Variants in MACROD1 observed in about 807,000 individuals in gnomAD.
The protein encoded by MACROD1 is ADP-ribose glycohydrolase MACROD1.
A neutral mutation model predicts 41.4 loss-of-function variants in MACROD1; 31 were observed. The ratio of observed to expected loss-of-function variants is 0.75; its 90% confidence interval spans 0.56 to 1.01. The LOEUF is 1.01. Among genes scored for constraint, MACROD1 ranks in the 50% least tolerant of loss-of-function variants. MACROD1 has a pLI of 0.00. For synonymous variants in MACROD1, 252 were observed against 203.4 expected, an observed-to-expected ratio of 1.24 and a Z score of -2.03; for missense variants, 473 against 460.0, an observed-to-expected ratio of 1.03 and a Z score of -0.26.
rs1156470852 is a variant in MACROD1, at chr11:64,037,719, G to C, written c.518-22438C>G. Among the ~76,000 whole-genome samples the C allele has an allele frequency of 2.0e-5, 3 of 152,126 alleles. No homozygotes were observed. In the East Asian group the frequency reaches 5.8e-4, roughly 29 times the overall value. On this transcript the variant is annotated intron_variant, in intron 3 of 10. Coordinates refer to ENST00000255681, the MANE Select transcript of MACROD1 (RefSeq NM_014067.4). Reference sequence around the variant, plus strand: ...GAGACTGGATACTCTTCAGTAAAAAGCACCCTGACCCCAGCATGGAGGCTC... The same window carrying C: ...GAGACTGGATACTCTTCAGTAAAAACCACCCTGACCCCAGCATGGAGGCTC...
chr11:64,038,621 A>C (rs951872032), intron 3 of MACROD1, among the ~76,000 whole-genome samples: 2 of 152,160 alleles, frequency 1.3e-5, no homozygotes, highest in African/African-American at 4.8e-5. Flanking sequence ...TGGGGCTAGC[A>C]GCCCCCTCCC....
intron 3 of MACROD1, among the ~76,000 whole-genome samples, chr11:64,030,752 C>T (rs540078399): frequency 7.2e-5 from 11 of 151,990 alleles, no homozygotes; most frequent in Non-Finnish European, 1.0e-4. Flanking sequence ...GTGACCTAAT[C>T]GGGAAGGTGG....
intron 3 of MACROD1, among the ~76,000 whole-genome samples, chr11:64,075,681 C>CT (rs1283009661): frequency 2.0e-5 from 3 of 152,132 alleles, no homozygotes; most frequent in Non-Finnish European, 2.9e-5. Flanking sequence ...GCTGCTGCTT[C>CT]TTTTTTTTGA....
At position 64,016,562 on chromosome 11, in the gene MACROD1, C is replaced by T. The variant is rs528540019; in HGVS notation, c.518-1281G>A. 7.2e-5 allele frequency among the ~76,000 whole-genome samples: 11 copies of T among 152,358 alleles called. No individual in the cohort carries two copies. In the East Asian group the frequency reaches 9.6e-4, roughly 13 times the overall value. ...CTGCAGGCCCAAGATGCCGTGAGGA[C>T]GGCATGGACGCTGCTAAGTGGTGTC... On this transcript the variant is annotated intron_variant, in intron 3 of 10. Coordinates refer to ENST00000255681, the MANE Select transcript of MACROD1 (RefSeq NM_014067.4).
At chr11:64,113,068 T>C (rs368277850) in intron 3 of MACROD1, among the ~76,000 whole-genome samples, 118 of 152,358 alleles carry the variant, frequency 7.7e-4, no homozygotes, top group African/African-American at 2.2e-3. Flanking sequence ...AGCCTCAAGA[T>C]TGCCAAGATT....
At chr11:64,130,470 G>C (rs997570308) in intron 3 of MACROD1, among the ~76,000 whole-genome samples, 4 of 152,076 alleles carry the variant, frequency 2.6e-5, no homozygotes, top group African/African-American at 9.7e-5. Context: ...TGGCCTCACC[G>C]AGCAACCTGA....
intron 3 of MACROD1, among the ~76,000 whole-genome samples, chr11:64,055,636 A>G (rs1474228907): frequency 2.0e-5 from 3 of 152,164 alleles, no homozygotes; most frequent in Admixed American, 6.5e-5. Context: ...TTTTGCTTCT[A>G]TTCCCCGGGG....
intron 3 of MACROD1, chr11:64,116,113 G>A (rs553982800): frequency 6.4e-5 from 78 of 1,212,942 alleles, no homozygotes; most frequent in Non-Finnish European, 8.4e-5. Context: ...ACCGGACTTC[G>A]GTCACCCCTT....
chr11:64,081,074 T>C (rs769196540), intron 3 of MACROD1, among the ~76,000 whole-genome samples: 1 of 152,178 alleles, frequency 6.6e-6, no homozygotes, highest in African/African-American at 2.4e-5. Context: ...TAGGCTGGAG[T>C]GCAGTGGCAT....
Position 64,151,364 on chromosome 11 carries a change from A to G in MACROD1, c.401-9T>C, listed in dbSNP as rs1463706942. On this transcript the variant is annotated splice_polypyrimidine_tract_variant and intron_variant, in intron 2 of 10. Coordinates refer to ENST00000255681, the MANE Select transcript of MACROD1 (RefSeq NM_014067.4). ...CACCTTCACAGCCACCCCTGGAACA[A>G]GTAGGGGCCGGGGAGGTCACAGCGA... The G allele has an allele frequency of 6.2e-7, 1 of 1,605,266 alleles. No individual in the cohort carries two copies. The highest frequency in any genetic ancestry group is 8.5e-7 in the Non-Finnish European group (1 of 1,173,152).
At chr11:64,013,277 G>A (rs561249137) in intron 4 of MACROD1, among the ~76,000 whole-genome samples, 309 of 152,226 alleles carry the variant, frequency 2.0e-3, no homozygotes, top group African/African-American at 7.1e-3. Flanking sequence ...GGTGGGGGCC[G>A]GGGGAGTGCC....
chr11:64,010,729 T>C (rs1942998317), intron 4 of MACROD1, among the ~76,000 whole-genome samples: 1 of 143,602 alleles, frequency 7.0e-6, no homozygotes, highest in Admixed American at 6.9e-5. Flanking sequence ...GGGTGTTGGT[T>C]GGCATGTTGG....
intron 3 of MACROD1, among the ~76,000 whole-genome samples, chr11:64,148,564 T>C (rs1162036152): frequency 6.6e-6 from 1 of 152,230 alleles, no homozygotes; most frequent in Non-Finnish European, 1.5e-5. Context: ...CTCCTCTGGC[T>C]TATTGTGGTG....
intron 3 of MACROD1, among the ~76,000 whole-genome samples, chr11:64,076,460 G>A (rs1944203240): frequency 6.6e-6 from 1 of 152,092 alleles, no homozygotes; most frequent in Non-Finnish European, 1.5e-5. Context: ...ACGGATGGAT[G>A]GACGGACGGA....
In MACROD1 at chr11:64,025,128, G is replaced by A. The variant is rs151126469; in HGVS notation, c.518-9847C>T. ...TGAGTAGCTGGGACTACAGGCACAC[G>A]ACACCACACCCATCTGATTTTTGTA... On this transcript the variant is annotated intron_variant, in intron 3 of 10. Coordinates refer to ENST00000255681, the MANE Select transcript of MACROD1 (RefSeq NM_014067.4). Among the ~76,000 whole-genome samples the A allele has an allele frequency of 3.2e-3, 488 of 152,124 alleles. 2 individuals carry two copies. Among genetic ancestry groups the A allele is most frequent in the African/African-American group, 0.011 (439 of 41,516 alleles).
chr11:64,157,364 G>A (rs961165882), intron 1 of MACROD1, among the ~76,000 whole-genome samples: 1 of 152,172 alleles, frequency 6.6e-6, no homozygotes, highest in African/African-American at 2.4e-5. Context: ...AAAGTGCTGG[G>A]ATTACAGGCG....
At position 64,067,515 on chromosome 11, in the gene MACROD1, TC is replaced by T. The variant is rs1944026996; in HGVS notation, c.518-52235del. The stretch of plus-strand genomic sequence containing the variant: ...GTCGGGGACGGGGACAGACGGCACC[TC>T]CCCAACTCCCCAGCCCCTCCCCCTG... On this transcript the variant is annotated intron_variant, in intron 3 of 10. Transcript: ENST00000255681. This position sits in a 1 kb window ranked among gnomAD's most constrained non-coding sequence, Gnocchi z 4.6. Among the ~76,000 whole-genome samples the T allele has an allele frequency of 6.6e-6, 1 of 151,540 alleles. No individual in the cohort carries two copies. Among genetic ancestry groups the T allele is most frequent in the Admixed American group, 6.6e-5 (1 of 15,230 alleles).
chr11:64,046,458 C>T (rs1407215442), intron 3 of MACROD1, among the ~76,000 whole-genome samples: 1 of 152,182 alleles, frequency 6.6e-6, no homozygotes, highest in African/African-American at 2.4e-5. Flanking sequence ...TGGGTCCTAC[C>T]CTTGCCCTGG....
At position 64,050,655 on chromosome 11, in the gene MACROD1, G is replaced by A. The variant is rs188681222; in HGVS notation, c.518-35374C>T. On this transcript the variant is annotated intron_variant, in intron 3 of 10. Transcript: ENST00000255681. ...CATGGCCCAGCTGACTTTCACTCTT[G>A]TCGCCCAGGCTGGAGTGCAGTGGCG... 2.9e-3 allele frequency among the ~76,000 whole-genome samples: 439 copies of A among 152,366 alleles called. 1 individual carries two copies. Among genetic ancestry groups the A allele is most frequent in the Non-Finnish European group, 5.3e-3 (360 of 68,030 alleles).
Sources: gnomAD v4.1 joint callset for allele counts (sites outside exome capture counted in the v4.1 genomes callset) on GRCh38, gnomAD v4.1.1 for gene constraint, Gnocchi (gnomAD v3.1) non-coding constraint, MANE v1.5 for transcripts, NCBI Gene and HGNC (gene_info 2026-07-23, HGNC 2026-07-21) for gene names.